Variants in VPS13B observed in about 807,000 individuals in gnomAD.
VPS13B encodes the protein vacuolar protein sorting 13 homolog B, also known as intermembrane lipid transfer protein VPS13B.
VPS13B carries 285 observed loss-of-function variants against 426.4 expected under a neutral mutation model. The observed-to-expected ratio is 0.67, with a 90% CI of 0.61 to 0.74. The LOEUF (loss-of-function observed/expected upper bound fraction) is 0.74. Among genes scored for constraint, VPS13B ranks in the 30% least tolerant of loss-of-function variants. VPS13B has a pLI of 0.00. For missense variants in VPS13B, 4,537 were observed against 4,782.6 expected (o/e 0.95, Z 1.51); for synonymous variants, 1,676 against 1,676.4 (o/e 1.00, Z 0.01).
At chr8:99,486,577 T>G (rs959953310) in intron 25 of VPS13B, among the ~76,000 whole-genome samples, 6 of 152,204 alleles carry the variant, frequency 3.9e-5, no homozygotes, top group African/African-American at 1.4e-4. Flanking sequence ...CTGAAAAACA[T>G]CCATGGCATT....
intron 33 of VPS13B, among the ~76,000 whole-genome samples, chr8:99,609,797 G>A (rs192802902): frequency 2.6e-5 from 4 of 152,214 alleles, no homozygotes; most frequent in Non-Finnish European, 2.9e-5. Context: ...TACCGCAAGT[G>A]TATGGTCAGA....
chr8:99,647,573 T>TAAAA (rs111538532), intron 34 of VPS13B, among the ~76,000 whole-genome samples: 1 of 111,800 alleles, frequency 8.9e-6, no homozygotes, highest in Non-Finnish European at 1.9e-5. Flanking sequence ...AGCAAGACTG[T>TAAAA]AAAAAAAAAA....
At chr8:99,037,865 G>T (rs1842816356) in intron 2 of VPS13B, among the ~76,000 whole-genome samples, 2 of 144,614 alleles carry the variant, frequency 1.4e-5, no homozygotes, top group African/African-American at 2.6e-5. Context: ...AAGTTGATCA[G>T]TTTTCATTTT....
intron 41 of VPS13B, 131 bp downstream of exon 41, chr8:99,777,087 T>C (rs1303594306): frequency 8.5e-7 from 1 of 1,171,648 alleles, no homozygotes; most frequent in Non-Finnish European, 1.3e-6. Context: ...AGTGGCAAAG[T>C]TATCCTGGGG....
intron 25 of VPS13B, among the ~76,000 whole-genome samples, chr8:99,486,085 G>A (rs1351551060): frequency 6.6e-6 from 1 of 152,138 alleles, no homozygotes; most frequent in Admixed American, 6.5e-5. Context: ...TGTCCCTACA[G>A]AGCATTTTGA....
intron 40 of VPS13B, among the ~76,000 whole-genome samples, chr8:99,768,041 A>G (rs1313868986): frequency 6.6e-6 from 1 of 152,240 alleles, no homozygotes; most frequent in Non-Finnish European, 1.5e-5. Context: ...ATTCTTCAGC[A>G]CTTCTAGCTT....
intron 30 of VPS13B, among the ~76,000 whole-genome samples, chr8:99,528,318 C>CCTTTGCAT (rs1284871412): frequency 1.3e-5 from 2 of 151,984 alleles, no homozygotes; most frequent in Non-Finnish European, 2.9e-5. Flanking sequence ...TTATGCCCTT[C>CCTTTGCAT]CTTTGCATGC....
rs554023179 is a variant in VPS13B at position 99,206,061 on chromosome 8, G to A, written c.2515+13004G>A. 2.6e-5 allele frequency among the ~76,000 whole-genome samples: 4 copies of A among 152,236 alleles called. No homozygotes were observed. In the East Asian group the frequency reaches 7.7e-4, roughly 29 times the overall value. The stretch of plus-strand genomic sequence containing the variant: ...ATATATTTTTGTTATTCGTGTTTCT[G>A]ATGGCTCTTAAATCATAGAAATTCT... On this transcript the variant is annotated intron_variant, in intron 17 of 61. Coordinates refer to ENST00000357162, the MANE Select transcript of VPS13B (RefSeq NM_152564.5).
intron 19 of VPS13B, among the ~76,000 whole-genome samples, chr8:99,306,034 T>C (rs2133084250): frequency 6.6e-6 from 1 of 152,272 alleles, no homozygotes; most frequent in South Asian, 2.1e-4. Context: ...CAGATGACTA[T>C]TAAGACAAAA....
intron 30 of VPS13B, among the ~76,000 whole-genome samples, chr8:99,537,583 C>T (rs1823324022): frequency 6.6e-6 from 1 of 152,212 alleles, no homozygotes; most frequent in African/African-American, 2.4e-5. Flanking sequence ...CAGTGCTAAA[C>T]AGAAGTTGCC....
intron 28 of VPS13B, among the ~76,000 whole-genome samples, chr8:99,510,434 C>T (rs575330995): frequency 1.3e-3 from 194 of 152,306 alleles, no homozygotes; most frequent in African/African-American, 4.3e-3. Flanking sequence ...CTTTTTATGA[C>T]AGCCTCTTAG....
intron 3 of VPS13B, among the ~76,000 whole-genome samples, chr8:99,045,686 A>G (rs1049775737): frequency 6.6e-6 from 1 of 152,138 alleles, no homozygotes; most frequent in African/African-American, 2.4e-5. Flanking sequence ...CAGGTCTTAG[A>G]TTTAAGTCCT....
chr8:99,762,630 A>G (rs150511542), intron 39 of VPS13B, among the ~76,000 whole-genome samples: 12 of 152,306 alleles, frequency 7.9e-5, no homozygotes, highest in African/African-American at 1.9e-4. Flanking sequence ...TAATAATCAG[A>G]ACTCTTACAA....
At chr8:99,696,669 A>C (rs1394512869) in intron 35 of VPS13B, 2 of 740,082 alleles carry the variant, frequency 2.7e-6, no homozygotes, top group Admixed American at 3.5e-5. Flanking sequence ...CATCGAGGAG[A>C]GGACCTTGAA....
At chr8:99,587,902 T>C (rs551654303) in intron 33 of VPS13B, among the ~76,000 whole-genome samples, 68 of 151,920 alleles carry the variant, frequency 4.5e-4, no homozygotes, top group African/African-American at 1.6e-3. Flanking sequence ...TGCCCATGCC[T>C]ATGTCCTGAA....
intron 25 of VPS13B, among the ~76,000 whole-genome samples, chr8:99,492,895 T>C (rs1338134931): frequency 6.6e-6 from 1 of 152,136 alleles, no homozygotes; most frequent in East Asian, 1.9e-4. Flanking sequence ...CCAGTCCCAA[T>C]GAGAAGAATC....
chr8:99,628,040 A>G (rs986855809), intron 33 of VPS13B, among the ~76,000 whole-genome samples: 1 of 152,198 alleles, frequency 6.6e-6, no homozygotes, highest in Non-Finnish European at 1.5e-5. Flanking sequence ...TCCAGCTCTA[A>G]CAAGTCATGA....
At chr8:99,412,945 G>T (rs932569212) in intron 21 of VPS13B, among the ~76,000 whole-genome samples, 1 of 152,168 alleles carries the variant, frequency 6.6e-6, no homozygotes, top group African/African-American at 2.4e-5. Context: ...TTGATGTGCT[G>T]CTGGATTTGG....
At chr8:99,077,253 A>T (rs1845181897) in intron 3 of VPS13B, among the ~76,000 whole-genome samples, 1 of 151,616 alleles carries the variant, frequency 6.6e-6, no homozygotes, top group African/African-American at 2.4e-5. Context: ...GCTCACTGCA[A>T]CCTCCGCCTC....
Sources: gnomAD v4.1 joint callset for allele counts (sites outside exome capture counted in the v4.1 genomes callset) on GRCh38, gnomAD v4.1.1 for gene constraint, MANE v1.5 for transcripts, NCBI Gene and HGNC (gene_info 2026-07-23, HGNC 2026-07-21) for gene names.